KPNA7: variants seen among roughly 807,000 people sequenced by gnomAD.
KPNA7 encodes the protein importin subunit alpha-8.
In KPNA7, 54 loss-of-function variants were observed where a neutral mutation model predicts 53.7. The observed-to-expected ratio is 1.01, with a 90% CI of 0.81 to 1.26. The LOEUF (loss-of-function observed/expected upper bound fraction) is 1.26, where lower values mean the gene tolerates loss of function less well. KPNA7 is among the 50% of genes most tolerant of loss of function. The pLI is 0.00. For missense variants in KPNA7, 640 were observed against 644.5 expected, an observed-to-expected ratio of 0.99 and a Z score of 0.07; for synonymous variants, 276 against 259.3, an observed-to-expected ratio of 1.06 and a Z score of -0.62.
the KPNA7 span, among the ~76,000 whole-genome samples, chr7:99,153,651 G>A: frequency 6.6e-6 from 1 of 151,552 alleles, no homozygotes; most frequent in Non-Finnish European, 1.5e-5. Context: ...GGAATGCATA[G>A]ATAGTGACCA....
chr7:99,153,886 G>A, the KPNA7 span, among the ~76,000 whole-genome samples: 1 of 151,574 alleles, frequency 6.6e-6, no homozygotes, highest in Non-Finnish European at 1.5e-5. Context: ...GAGGTGGGAG[G>A]ATCATTTGAG....
chr7:99,150,281 A>T, the KPNA7 span, among the ~76,000 whole-genome samples: 2 of 151,894 alleles, frequency 1.3e-5, no homozygotes, highest in African/African-American at 4.8e-5. Context: ...TTTTTAGTAG[A>T]GACAGGGTTT....
At chr7:99,193,323 A>T (rs1281730086) in intron 5 of KPNA7, among the ~76,000 whole-genome samples, 20 of 152,236 alleles carry the variant, frequency 1.3e-4, no homozygotes, top group Non-Finnish European at 2.5e-4. Context: ...CAACTGCTAG[A>T]AGCAGAGCCA....
chr7:99,212,615 G>T (rs1208727715), upstream of KPNA7, among the ~76,000 whole-genome samples: 2 of 151,786 alleles, frequency 1.3e-5, no homozygotes, highest in Non-Finnish European at 1.5e-5. Context: ...GACTAAATTG[G>T]CCAGGCACAG....
upstream of KPNA7, among the ~76,000 whole-genome samples, chr7:99,209,682 C>CAAA (rs60377276): frequency 5.0e-4 from 37 of 73,532 alleles, 2 homozygotes; most frequent in Admixed American, 2.3e-3. Context: ...GACTCCAACT[C>CAAA]AAAAAAAAAA....
upstream of KPNA7, among the ~76,000 whole-genome samples, chr7:99,212,571 A>C (rs908964177): frequency 6.6e-6 from 1 of 151,882 alleles, no homozygotes; most frequent in Non-Finnish European, 1.5e-5. Context: ...AAGTAATCTC[A>C]AATTCTGCCC....
intron 3 of KPNA7, among the ~76,000 whole-genome samples, chr7:99,198,811 G>A (rs1299778677): frequency 6.6e-6 from 1 of 151,910 alleles, no homozygotes; most frequent in East Asian, 1.9e-4. Context: ...CACCCAGATT[G>A]GAAAGGAAGA....
the KPNA7 span, among the ~76,000 whole-genome samples, chr7:99,154,134 CTTTT>C: frequency 4.7e-3 from 667 of 141,462 alleles, 1 homozygote; most frequent in Admixed American, 7.8e-3. Flanking sequence ...AGCTCACACA[CTTTT>C]TTTTTTTTTT....
downstream of KPNA7, among the ~76,000 whole-genome samples, chr7:99,173,091 GAA>G (rs894266184): frequency 5.4e-5 from 7 of 129,402 alleles, no homozygotes; most frequent in Non-Finnish European, 8.2e-5. Context: ...AAAAGAAAAA[GAA>G]AAAGTCTGTC....
At chr7:99,193,932 C>T (rs1790095080) in intron 5 of KPNA7, among the ~76,000 whole-genome samples, 1 of 152,164 alleles carries the variant, frequency 6.6e-6, no homozygotes, top group Non-Finnish European at 1.5e-5. Flanking sequence ...CCCACCTCTG[C>T]CTCCTAAAGT....
At chr7:99,170,440 A>T (rs1403548395), downstream of KPNA7, among the ~76,000 whole-genome samples, 1 of 149,100 alleles carries the variant, frequency 6.7e-6, no homozygotes, top group Non-Finnish European at 1.5e-5. Flanking sequence ...AGAGAATGGG[A>T]CAAGAAAATG....
chr7:99,184,010 G>A (rs1450531921), intron 8 of KPNA7, among the ~76,000 whole-genome samples: 2 of 151,926 alleles, frequency 1.3e-5, no homozygotes, highest in Middle Eastern at 3.2e-3. Flanking sequence ...ACCACACCTG[G>A]CTAATTTTTT....
intron 6 of KPNA7, 46 bp downstream of exon 6, chr7:99,192,973 A>C: frequency 7.5e-7 from 1 of 1,340,396 alleles, no homozygotes. Context: ...GATTATTTTA[A>C]AATTTTAATT....
At chr7:99,167,598 T>C in the KPNA7 span, among the ~76,000 whole-genome samples, 2 of 141,424 alleles carry the variant, frequency 1.4e-5, no homozygotes, top group African/African-American at 5.2e-5. Context: ...TACAAGCTGA[T>C]GCCATCACAC....
At chr7:99,151,436 C>G in the KPNA7 span, among the ~76,000 whole-genome samples, 1 of 148,824 alleles carries the variant, frequency 6.7e-6, no homozygotes, top group Non-Finnish European at 1.5e-5. Flanking sequence ...AGTAAGCAAA[C>G]TGTTTTGTTT....
the KPNA7 span, among the ~76,000 whole-genome samples, chr7:99,150,683 T>G: frequency 1.3e-5 from 2 of 152,198 alleles, no homozygotes; most frequent in Non-Finnish European, 2.9e-5. Flanking sequence ...CCCAAACTGC[T>G]GGGATTACAG....
intron 3 of KPNA7, among the ~76,000 whole-genome samples, chr7:99,199,301 T>G (rs556437002): frequency 6.6e-6 from 1 of 151,554 alleles, no homozygotes; most frequent in African/African-American, 2.4e-5. Context: ...AAAATTATAT[T>G]GAAAAAAAGA....
At chr7:99,170,435 A>G (rs898909085), downstream of KPNA7, among the ~76,000 whole-genome samples, 2 of 151,296 alleles carry the variant, frequency 1.3e-5, no homozygotes, top group Admixed American at 6.6e-5. Flanking sequence ...AAAATAGAGA[A>G]TGGGACAAGA....
chr7:99,180,665 CTG>C lies in KPNA7; in HGVS notation c.1317+1216_1317+1217del, dbSNP rs56410160. On this transcript the variant is annotated intron_variant, in intron 9 of 10. Transcript: ENST00000327442. Reference sequence around the variant, plus strand: ...TCCGTCTCTGTCTCTCTCTCCCCATCTGTGTGTGTGTCTCTCTCCCCGTCTGT... The same window carrying C: ...TCCGTCTCTGTCTCTCTCTCCCCATCTGTGTGTGTCTCTCTCCCCGTCTGT... 1.6e-4 allele frequency among the ~76,000 whole-genome samples: 13 copies of C among 80,970 alleles called. 2 individuals are homozygous for C. The highest frequency in any genetic ancestry group is 5.0e-4 in the East Asian group (1 of 1,988). 53.1% of individuals were successfully genotyped at this position (80,970 alleles called of 152,430 possible).
Sources: gnomAD v4.1 joint callset for allele counts (sites outside exome capture counted in the v4.1 genomes callset) on GRCh38, gnomAD v4.1.1 for gene constraint, MANE v1.5 for transcripts, NCBI Gene and HGNC (gene_info 2026-07-23, HGNC 2026-07-21) for gene names.